MKLN1: variants seen among roughly 807,000 people sequenced by gnomAD.
The protein encoded by MKLN1 is muskelin 1, also known as muskelin.
In MKLN1, 18 loss-of-function variants were observed where a neutral mutation model predicts 99.0. The observed-to-expected ratio is 0.18, with a 90% CI of 0.13 to 0.27. The LOEUF (loss-of-function observed/expected upper bound fraction) is 0.27. Ranked by LOEUF, MKLN1 falls within the 10% of genes least tolerant of loss-of-function variation. MKLN1 has a pLI of 1.00. For synonymous variants in MKLN1, 288 were observed against 293.2 expected, an observed-to-expected ratio of 0.98 and a Z score of 0.18; for missense variants, 621 against 875.9, an observed-to-expected ratio of 0.71 and a Z score of 3.67.
At position 131,445,920 on chromosome 7, in the gene MKLN1, A is replaced by G. The variant is rs551991528; in HGVS notation, c.1525+17A>G. The G allele has an allele frequency of 3.8e-4, 596 of 1,553,854 alleles. 7 individuals carry two copies. The South Asian group carries it at 6.7e-3, about 17-fold the overall frequency. On this transcript the variant is annotated intron_variant, in intron 12 of 17. Transcript: ENST00000352689. Reference sequence around the variant, plus strand: ...CTGGGATGGGTAAGGGCATTGAGTGATTTCTTCTCTCATGTCTTAACTACT... The same window carrying G: ...CTGGGATGGGTAAGGGCATTGAGTGGTTTCTTCTCTCATGTCTTAACTACT...
intron 3 of MKLN1, among the ~76,000 whole-genome samples, chr7:131,207,100 A>G (rs1796824357): frequency 6.6e-6 from 1 of 152,122 alleles, no homozygotes; most frequent in African/African-American, 2.4e-5. Flanking sequence ...TCCCATTTTT[A>G]ATGTATTCAC....
At chr7:131,434,310 T>C (rs1346308143) in intron 9 of MKLN1, among the ~76,000 whole-genome samples, 1 of 152,328 alleles carries the variant, frequency 6.6e-6, no homozygotes, top group East Asian at 1.9e-4. Flanking sequence ...GTCTATGATA[T>C]TTTCGTTAAC....
At chr7:131,323,881 A>G (rs1321922412), upstream of MKLN1, 6 of 152,202 alleles carry the variant, frequency 3.9e-5, no homozygotes, top group African/African-American at 7.2e-5. Flanking sequence ...GGAAGAGCAA[A>G]AGGGGTACAC....
chr7:131,351,113 T>C (rs1393537604), intron 1 of MKLN1, among the ~76,000 whole-genome samples: 6 of 152,204 alleles, frequency 3.9e-5, no homozygotes, highest in African/African-American at 1.4e-4. Flanking sequence ...CCAGGTGTGG[T>C]GGTGTGCACC....
chr7:131,436,646 T>C (rs1364670881), intron 9 of MKLN1, among the ~76,000 whole-genome samples: 1 of 152,212 alleles, frequency 6.6e-6, no homozygotes, highest in Non-Finnish European at 1.5e-5. Context: ...AACACACACA[T>C]ACACAGTAAT....
chr7:131,475,840 A>G (rs1382586632), intron 16 of MKLN1, among the ~76,000 whole-genome samples: 1 of 152,162 alleles, frequency 6.6e-6, no homozygotes, highest in African/African-American at 2.4e-5. Flanking sequence ...ATAAAATCCC[A>G]AGAGAGACGT....
At chr7:131,186,557 G>C (rs1202790886) in intron 2 of MKLN1, among the ~76,000 whole-genome samples, 1 of 152,180 alleles carries the variant, frequency 6.6e-6, no homozygotes, top group Non-Finnish European at 1.5e-5. Flanking sequence ...TAGGTGTTGA[G>C]AGGTAAAAAC....
chr7:131,196,137 A>G (rs953864178), intron 2 of MKLN1, among the ~76,000 whole-genome samples: 2 of 152,140 alleles, frequency 1.3e-5, no homozygotes, highest in Non-Finnish European at 2.9e-5. Context: ...AAAAATTATC[A>G]CTTAGCCTCT....
chr7:131,390,491 T>G (rs1794167585), intron 4 of MKLN1, among the ~76,000 whole-genome samples: 1 of 152,120 alleles, frequency 6.6e-6, no homozygotes. Flanking sequence ...CCCCTTTCTT[T>G]TCTTTTTTGC....
At chr7:131,414,762 T>C (rs937127195) in intron 8 of MKLN1, 52 bp downstream of exon 8, 3 of 819,804 alleles carry the variant, frequency 3.7e-6, no homozygotes, top group Non-Finnish European at 5.1e-6. Context: ...ACAGGCATCG[T>C]CTAAACCAGG....
At chr7:131,297,286 G>C (rs767751383) in intron 3 of MKLN1, among the ~76,000 whole-genome samples, 1 of 152,066 alleles carries the variant, frequency 6.6e-6, no homozygotes, top group Non-Finnish European at 1.5e-5. Flanking sequence ...GCTTGAACCC[G>C]GGAGGTGGAA....
intron 3 of MKLN1, among the ~76,000 whole-genome samples, chr7:131,232,878 T>C (rs6943115): frequency 0.35 from 53,459 of 151,000 alleles, 10,373 homozygotes; most frequent in Non-Finnish European, 0.44. Context: ...AAATAATTAA[T>C]AATTAGGAAG....
rs201099688 is a variant in MKLN1, at chr7:131,397,280, C to G, written c.414C>G (p.Ser138=). 4.7e-5 allele frequency: 76 copies of G among 1,609,620 alleles called. No homozygotes were observed. In the East Asian group the frequency reaches 1.6e-3, roughly 33 times the overall value. ...TTCTCCTTAAAGTTCCACTCTTGTC[C>G]TGGGGACCCAGCTTTAACTTTAGCA... ...CRFIKIVPLL[S]WGPSFNFSIW... Residue 138 remains serine (S), a synonymous_variant, in exon 5 of 18, where the codon TCC becomes TCG. Coordinates refer to ENST00000352689, the MANE Select transcript of MKLN1 (RefSeq NM_013255.5).
chr7:131,347,944 A>G (rs1201005369), intron 1 of MKLN1, among the ~76,000 whole-genome samples: 4 of 152,224 alleles, frequency 2.6e-5, no homozygotes, highest in Non-Finnish European at 5.9e-5. Flanking sequence ...TGAGGTAATC[A>G]TAGTATAGTA....
intron 10 of MKLN1, among the ~76,000 whole-genome samples, chr7:131,442,414 G>T (rs143168729): frequency 0.012 from 1,847 of 152,198 alleles, 26 homozygotes; most frequent in Middle Eastern, 0.044. Flanking sequence ...TGGCGTGGTG[G>T]CATATGCTGG....
chr7:131,113,543 T>G (rs1452505141), intron 1 of MKLN1, among the ~76,000 whole-genome samples: 2 of 151,904 alleles, frequency 1.3e-5, no homozygotes, highest in Non-Finnish European at 2.9e-5. Flanking sequence ...ATCTCTCAGC[T>G]GGGTGCAGTG....
intron 1 of MKLN1, among the ~76,000 whole-genome samples, chr7:131,328,476 A>G (rs1327459132): frequency 1.3e-5 from 2 of 152,210 alleles, no homozygotes; most frequent in African/African-American, 2.4e-5. Flanking sequence ...GAGTGGGGTC[A>G]TTAAAAGTGA....
At chr7:131,150,604 G>C (rs1048789584) in intron 2 of MKLN1, among the ~76,000 whole-genome samples, 9 of 152,184 alleles carry the variant, frequency 5.9e-5, no homozygotes, top group African/African-American at 2.2e-4. Context: ...ATAATTGCAA[G>C]TGTAGATTGA....
chr7:131,484,563 CCTT>C (rs1402157054), intron 17 of MKLN1, among the ~76,000 whole-genome samples: 1 of 152,048 alleles, frequency 6.6e-6, no homozygotes, highest in African/African-American at 2.4e-5. Context: ...AGTGTTTTTT[CCTT>C]CTTAGATAAT....
Sources: allele counts gnomAD v4.1 joint callset (sites outside exome capture counted in the v4.1 genomes callset), GRCh38; gene constraint gnomAD v4.1.1; transcripts MANE v1.5; gene names NCBI Gene and HGNC (gene_info 2026-07-23, HGNC 2026-07-21).